CASP9: variants seen among roughly 807,000 people sequenced by gnomAD.
The protein encoded by CASP9 is caspase 9.
A neutral mutation model predicts 43.5 loss-of-function variants in CASP9; 29 were observed. The observed-to-expected ratio is 0.67, with a 90% CI of 0.50 to 0.91. CASP9 has a LOEUF of 0.91. Among genes scored for constraint, CASP9 ranks in the 40% least tolerant of loss-of-function variants. The pLI, the probability that CASP9 is intolerant of heterozygous loss-of-function variation, is 0.00. For synonymous variants in CASP9, 206 were observed against 211.9 expected, an observed-to-expected ratio of 0.97 and a Z score of 0.24; for missense variants, 575 against 537.4, an observed-to-expected ratio of 1.07 and a Z score of -0.69.
In CASP9 at chr1:15,506,894, T is replaced by A; in HGVS notation, c.630+5A>T. On this transcript the variant is annotated splice_donor_5th_base_variant and intron_variant, in intron 4 of 8. Transcript: ENST00000333868. Reference sequence around the variant, plus strand: ...CCTGTCTCCCTCCACAGATAGTGAGTGTACCTTGGCAGTCAGGTCGCCCTT... The same window carrying A: ...CCTGTCTCCCTCCACAGATAGTGAGAGTACCTTGGCAGTCAGGTCGCCCTT... The A allele has an allele frequency of 6.2e-7, 1 of 1,608,316 alleles. No individual in the cohort carries two copies. The highest frequency in any genetic ancestry group is 8.5e-7 in the Non-Finnish European group (1 of 1,175,442).
intron 6 of CASP9, among the ~76,000 whole-genome samples, chr1:15,499,587 G>C (rs1709244262): frequency 6.6e-6 from 1 of 152,176 alleles, no homozygotes; most frequent in African/African-American, 2.4e-5. Context: ...GCAGTCAAAA[G>C]CTTTCTATAT....
At chr1:15,504,825 A>C in intron 5 of CASP9, 67 bp from the exon 6 acceptor site, 1 of 1,507,688 alleles carries the variant, frequency 6.6e-7, no homozygotes, top group African/African-American at 1.4e-5. Context: ...GCCTGTTCAG[A>C]GGTTTTGTGG....
In CASP9 at chr1:15,524,063, G is replaced by GCGGGGGA. The variant is rs1438675970; in HGVS notation, c.132+5_132+6insTCCCCCG. ...GCAGCGCGGGGACAGGGGGCCGGGGGCGCACCTGGATGTCCTCGATCATAT... is the reference window on the plus strand; with the variant it reads ...GCAGCGCGGGGACAGGGGGCCGGGGGCGGGGGACGCACCTGGATGTCCTCGATCATAT... On this transcript the variant is annotated splice_donor_region_variant and intron_variant, in intron 1 of 8. Transcript: ENST00000333868. 13 of 1,495,854 alleles carry GCGGGGGA rather than the reference G, an allele frequency of 8.7e-6. No homozygotes were observed. Among genetic ancestry groups the GCGGGGGA allele is most frequent in the Non-Finnish European group, 1.2e-5 (13 of 1,125,272 alleles). The allele number at this position is 1,495,854 out of a possible 1,614,324, so 92.7% of individuals were successfully genotyped here.
rs1322753635 is a variant in CASP9 at position 15,518,328 on chromosome 1, C to A, written c.200G>T (p.Ser67Ile). 1 of 1,614,208 alleles carries A rather than the reference C, an allele frequency of 6.2e-7. No individual in the cohort carries two copies. Among genetic ancestry groups the A allele is most frequent in the African/African-American group, 1.3e-5 (1 of 75,072 alleles). ...QLIIDLETRG[S>I]QALPLFISCL... ...GGAGATGAACAAAGGAAGAGCCTGA[C>A]TCCCTCGAGTCTCCAGATCTATGAT... The change falls in exon 2 of 9, where the codon AGT (serine) becomes ATT (isoleucine). Residue 67 changes from serine (S) to isoleucine (I), a missense_variant. Transcript: ENST00000333868.
intron 1 of CASP9, among the ~76,000 whole-genome samples, chr1:15,520,305 A>C (rs1710134325): frequency 6.6e-6 from 1 of 152,238 alleles, no homozygotes; most frequent in Non-Finnish European, 1.5e-5. Context: ...AAGATTACCC[A>C]GGTGCCGAGG....
intron 2 of CASP9, 99 bp from the exon 3 acceptor site, chr1:15,508,006 G>T: frequency 8.2e-7 from 1 of 1,226,532 alleles, no homozygotes; most frequent in Non-Finnish European, 1.2e-6. Context: ...GGAGCAGCGA[G>T]AACTCAGACC....
At position 15,518,208 on chromosome 1, in the gene CASP9, G is replaced by T. The variant is rs757092383; in HGVS notation, c.320C>A (p.Thr107Asn). 29 of 1,614,080 alleles carry T rather than the reference G, an allele frequency of 1.8e-5. No individual in the cohort carries two copies. The highest frequency in any genetic ancestry group is 1.9e-5 in the Non-Finnish European group (23 of 1,180,046). ...KLSKPTLENL[T>N]PVVLRPEIRK... ...AATCTCTGGTCTGAGCACCACTGGG[G>T]TAAGGTTTTCTAGGGTTGGCTTCGA... Residue 107 changes from threonine to asparagine, a missense_variant, in exon 2 of 9, where the codon ACC becomes AAC. Transcript: ENST00000333868.
intron 2 of CASP9, among the ~76,000 whole-genome samples, chr1:15,516,545 T>C (rs1709957999): frequency 6.6e-6 from 1 of 152,094 alleles, no homozygotes; most frequent in Non-Finnish European, 1.5e-5. Context: ...CTCACTAAGT[T>C]ACCCAGGCTG....
At chr1:15,520,800 A>G (rs1346321187) in intron 1 of CASP9, among the ~76,000 whole-genome samples, 1 of 151,900 alleles carries the variant, frequency 6.6e-6, no homozygotes, top group Non-Finnish European at 1.5e-5. Flanking sequence ...AAAATACAAA[A>G]AAATTAGCTG....
chr1:15,512,688 C>A lies in CASP9; in HGVS notation c.419-4781G>T, dbSNP rs193159410. Among the ~76,000 whole-genome samples the A allele has an allele frequency of 3.4e-3, 517 of 151,640 alleles. 3 individuals carry two copies. The highest frequency in any genetic ancestry group is 9.6e-3 in the African/African-American group (398 of 41,364). ...ATAAAGATATATATATATACACACA[C>A]AAAAAAAATGCATATATCTTTCTAT... On this transcript the variant is annotated intron_variant, in intron 2 of 8. Transcript: ENST00000333868.
chr1:15,522,585 T>C (rs1710247961), intron 1 of CASP9, among the ~76,000 whole-genome samples: 1 of 152,200 alleles, frequency 6.6e-6, no homozygotes, highest in Non-Finnish European at 1.5e-5. Context: ...CATGGTGGCA[T>C]GTGCCTAAAG....
chr1:15,524,763 G>A, upstream of CASP9: 1 of 997,576 alleles, frequency 1.0e-6, no homozygotes, highest in Non-Finnish European at 1.2e-6. Context: ...CTGCCACCGC[G>A]TCACCGCCCA....
At position 15,507,073 on chromosome 1, in the gene CASP9, A is replaced by T; in HGVS notation, c.456T>A (p.Ala152=). 8.7e-6 allele frequency: 14 copies of T among 1,613,902 alleles called. No individual in the cohort carries two copies. The highest frequency in any genetic ancestry group is 1.2e-5 in the Non-Finnish European group (14 of 1,179,814). ...LESLRGNADL[A]YILSMEPCGH... ...CACAGGGCTCCATGCTCAGGATGTA[A>T]GCCTGCCAGCACAGGGACCCACGTA... Residue 152 remains alanine, a splice_region_variant and synonymous_variant, in exon 4 of 9, where the codon GCT becomes GCA. Transcript: ENST00000333868.
chr1:15,505,392 A>C (rs1270660006), intron 5 of CASP9, among the ~76,000 whole-genome samples: 1 of 152,136 alleles, frequency 6.6e-6, no homozygotes. Flanking sequence ...GTCAGGCCAG[A>C]CCTTTGCGGT....
At chr1:15,499,629 TA>T (rs1251605526) in intron 6 of CASP9, among the ~76,000 whole-genome samples, 4 of 152,188 alleles carry the variant, frequency 2.6e-5, no homozygotes, top group Non-Finnish European at 5.9e-5. Flanking sequence ...AGCCAAAAAT[TA>T]GATATCACCT....
rs771183801 is a variant in CASP9 at position 15,518,335 on chromosome 1, G to T, written c.193C>A (p.Arg65=). ...AACAAAGGAAGAGCCTGACTCCCTC[G>T]AGTCTCCAGATCTATGATCAGCTGC... ...ARQLIIDLET[R]GSQALPLFIS... is the part of the protein sequence containing the mutation. The change falls in exon 2 of 9, where the codon CGA becomes AGA. Residue 65 remains arginine, a synonymous_variant. Coordinates refer to ENST00000333868, the MANE Select transcript of CASP9 (RefSeq NM_001229.5). The T allele has an allele frequency of 2.5e-6, 4 of 1,614,060 alleles. No homozygotes were observed. In the African/African-American group the frequency reaches 4.0e-5, roughly 16 times the overall value.
Position 15,518,311 on chromosome 1 carries a change from A to G in CASP9, c.217T>C (p.Phe73Leu). Residue 73 changes from phenylalanine to leucine, a missense_variant, in exon 2 of 9, where the codon TTC (phenylalanine) becomes CTC (leucine). Transcript: ENST00000333868. ...ETRGSQALPL[F>L]ISCLEDTGQD... is the part of the protein sequence containing the mutation. ...CCTGTGTCCTCTAAGCAGGAGATGA[A>G]CAAAGGAAGAGCCTGACTCCCTCGA... 1 of 1,614,248 alleles carries G rather than the reference A, an allele frequency of 6.2e-7. No homozygotes were observed.
In CASP9 at chr1:15,505,988, A is replaced by G. The variant is rs1437016762; in HGVS notation, c.720+2T>C. On this transcript the variant is annotated splice_donor_variant, in intron 5 of 8. Transcript: ENST00000333868. LOFTEE classifies it high-confidence loss of function. ...CCCAGGGAACAGTGGGAGGCTTCCTACCTGACAGCCGTGAGAGAGAATGAC... is the reference window on the plus strand; with the variant it reads ...CCCAGGGAACAGTGGGAGGCTTCCTGCCTGACAGCCGTGAGAGAGAATGAC... The G allele has an allele frequency of 6.2e-7, 1 of 1,612,998 alleles. No homozygotes were observed. Among genetic ancestry groups the G allele is most frequent in the Non-Finnish European group, 8.5e-7 (1 of 1,178,964 alleles).
intron 5 of CASP9, among the ~76,000 whole-genome samples, chr1:15,505,662 G>C (rs1709489477): frequency 6.6e-6 from 1 of 152,162 alleles, no homozygotes; most frequent in Non-Finnish European, 1.5e-5. Context: ...GTGCCTCACA[G>C]GACAGAGACA....
Sources: allele counts gnomAD v4.1 joint callset (sites outside exome capture counted in the v4.1 genomes callset), GRCh38; gene constraint gnomAD v4.1.1; transcripts MANE v1.5; gene names NCBI Gene and HGNC (gene_info 2026-07-23, HGNC 2026-07-21).